Variants in PTPA observed in about 807,000 individuals in gnomAD.
The protein encoded by PTPA is serine/threonine-protein phosphatase 2A activator.
A neutral mutation model predicts 43.6 loss-of-function variants in PTPA; 13 were observed. That is an observed-to-expected ratio of 0.30 (90% CI 0.19 to 0.47). The LOEUF (loss-of-function observed/expected upper bound fraction) is 0.47. Ranked by LOEUF, PTPA falls within the 20% of genes least tolerant of loss-of-function variation. The pLI is 0.99. For synonymous variants in PTPA, 172 were observed against 158.2 expected (o/e 1.09, Z -0.66); for missense variants, 329 against 411.9 (o/e 0.80, Z 1.74).
chr9:129,132,557 G>A (rs1261134398), intron 5 of PTPA, among the ~76,000 whole-genome samples: 4 of 152,170 alleles, frequency 2.6e-5, no homozygotes, highest in African/African-American at 9.7e-5. Context: ...CTGGAGTGCA[G>A]TGGCATGATC....
intron 8 of PTPA, 27 bp from the exon 9 acceptor site, chr9:129,142,418 C>G: frequency 3.2e-6 from 5 of 1,546,176 alleles, no homozygotes; most frequent in Non-Finnish European, 3.5e-6. Flanking sequence ...GAACCTGTCT[C>G]TTCAGCTTGT....
intron 5 of PTPA, among the ~76,000 whole-genome samples, chr9:129,134,324 TG>T (rs1316084068): frequency 2.1e-5 from 2 of 96,392 alleles, no homozygotes; most frequent in African/African-American, 7.8e-5. Context: ...TTTTTTTTTT[TG>T]AGACAGTCTC....
At chr9:129,139,083 T>C (rs1285066612) in intron 8 of PTPA, among the ~76,000 whole-genome samples, 1 of 152,140 alleles carries the variant, frequency 6.6e-6, no homozygotes, top group Non-Finnish European at 1.5e-5. Context: ...AGTTCTTGGG[T>C]GTGGCTGAAA....
chr9:129,137,899 C>A, intron 8 of PTPA: 1 of 603,928 alleles, frequency 1.7e-6, no homozygotes, highest in Non-Finnish European at 3.1e-6. Flanking sequence ...AGTTCTCCTT[C>A]AGTTTCTCCT....
At chr9:129,143,686 C>T in intron 9 of PTPA, 1 of 469,376 alleles carries the variant, frequency 2.1e-6, no homozygotes, top group Middle Eastern at 6.0e-4. Context: ...TTCCTCTGGA[C>T]CTCACATCCT....
rs1295168843 is a variant in PTPA, at chr9:129,136,633, C to A, written c.685+38C>A. 3.2e-6 allele frequency: 5 copies of A among 1,572,512 alleles called. No individual in the cohort carries two copies. The South Asian group carries it at 5.8e-5, about 18-fold the overall frequency. ...GAGGTGCCTATCCCTCCACCCCCAA[C>A]CAAGGCTGCGTTCTGTGGCCCTCCC... On this transcript the variant is annotated intron_variant, in intron 7 of 9. Transcript: ENST00000393370.
chr9:129,126,128 G>A (rs762735069), intron 3 of PTPA, among the ~76,000 whole-genome samples: 7 of 151,950 alleles, frequency 4.6e-5, no homozygotes, highest in African/African-American at 7.2e-5. Context: ...CAGCCCAGGC[G>A]ACAGTGCGAG....
intron 9 of PTPA, among the ~76,000 whole-genome samples, 187 bp from the exon 10 acceptor site, chr9:129,147,200 C>G (rs1191959678): frequency 6.6e-6 from 1 of 152,092 alleles, no homozygotes; most frequent in Non-Finnish European, 1.5e-5. Flanking sequence ...TCTCGTGGGT[C>G]TCGTTGTGGA....
chr9:129,142,894 A>T, intron 9 of PTPA: 2 of 1,496,170 alleles, frequency 1.3e-6, no homozygotes. Flanking sequence ...AAGCTCGGGC[A>T]GTCTGAGTCT....
At position 129,128,985 on chromosome 9, in the gene PTPA, G is replaced by A; in HGVS notation, c.217G>A (p.Ala73Thr). The change falls in exon 4 of 10, where the codon GCC becomes ACC. Residue 73 changes from alanine to threonine, a missense_variant and splice_region_variant. By Grantham distance (58) the Ala-to-Thr change is moderately conservative (BLOSUM62 0). Coordinates refer to ENST00000393370, the MANE Select transcript of PTPA (RefSeq NM_178000.3). ...KLTFEYRVSEAIEKLVALLNT... is the reference protein window; with the variant it reads ...KLTFEYRVSETIEKLVALLNT... ...GGACCCCTCTATTTTGCCTCCACAG[G>A]CCATTGAGAAACTAGTCGCTCTTCT... 6.2e-7 allele frequency: 1 copy of A among 1,613,146 alleles called. No homozygotes were observed. Among genetic ancestry groups the A allele is most frequent in the Non-Finnish European group, 8.5e-7 (1 of 1,179,886 alleles).
At chr9:129,139,631 A>AT (rs949434342) in intron 8 of PTPA, 3 of 152,100 alleles carry the variant, frequency 2.0e-5, no homozygotes, top group Non-Finnish European at 4.4e-5. Flanking sequence ...AGTGAGCAGC[A>AT]TTTTGCAGTC....
chr9:129,126,672 C>T (rs1327618179), intron 3 of PTPA, among the ~76,000 whole-genome samples: 1 of 152,082 alleles, frequency 6.6e-6, no homozygotes, highest in African/African-American at 2.4e-5. Flanking sequence ...TCCTTGAAAT[C>T]CAAAAAGGAA....
intron 2 of PTPA, among the ~76,000 whole-genome samples, chr9:129,121,871 A>T (rs1564186654): frequency 6.6e-6 from 1 of 152,084 alleles, no homozygotes; most frequent in Non-Finnish European, 1.5e-5. Context: ...GGTCTGAGAG[A>T]GTTGCTTTGG....
At chr9:129,123,914 T>C (rs1338398238) in intron 3 of PTPA, among the ~76,000 whole-genome samples, 2 of 152,124 alleles carry the variant, frequency 1.3e-5, no homozygotes, top group Non-Finnish European at 2.9e-5. Flanking sequence ...AACTCCTGAC[T>C]TGAGGTGATC....
In PTPA at chr9:129,143,395, C is replaced by T. The variant is rs1478415623; in HGVS notation, c.894+843C>T. 5.7e-6 allele frequency: 4 copies of T among 702,952 alleles called. No individual in the cohort carries two copies. In the South Asian group the frequency reaches 5.9e-5, roughly 10 times the overall value. 43.5% of individuals were successfully genotyped at this position (702,952 alleles called of 1,614,324 possible). A position where few individuals can be genotyped will look rare whatever the true frequency, so the allele number is the denominator to read the frequency against. On this transcript the variant is annotated intron_variant, in intron 9 of 9. Transcript: ENST00000393370. Reference sequence around the variant, plus strand: ...CTCAGGCTGGCCCTTGTGACTAGTTCATGGCCTCAGACACTGTACTGTGGG... The same window carrying T: ...CTCAGGCTGGCCCTTGTGACTAGTTTATGGCCTCAGACACTGTACTGTGGG...
intron 4 of PTPA, among the ~76,000 whole-genome samples, chr9:129,129,744 C>T (rs1849832003): frequency 6.6e-6 from 1 of 152,168 alleles, no homozygotes; most frequent in South Asian, 2.1e-4. Context: ...GCTGGGATTA[C>T]AGGTGTGAGC....
chr9:129,142,164 AG>A, intron 8 of PTPA: 1 of 338,078 alleles, frequency 3.0e-6, no homozygotes, highest in African/African-American at 2.1e-5. Flanking sequence ...TGGGAGAAAG[AG>A]GGGTGACTGC....
At chr9:129,112,289 A>T (rs1332225943) in intron 1 of PTPA, among the ~76,000 whole-genome samples, 1 of 152,138 alleles carries the variant, frequency 6.6e-6, no homozygotes, top group African/African-American at 2.4e-5. Flanking sequence ...AATAACTGGG[A>T]TGGAGGTGCT....
intron 1 of PTPA, among the ~76,000 whole-genome samples, chr9:129,113,534 C>T (rs1412824783): frequency 1.3e-5 from 2 of 151,374 alleles, no homozygotes; most frequent in East Asian, 2.0e-4. Context: ...TTTGGGAGGC[C>T]GACACAGGCG....
Sources: allele counts gnomAD v4.1 joint callset (sites outside exome capture counted in the v4.1 genomes callset), GRCh38; gene constraint gnomAD v4.1.1; transcripts MANE v1.5; gene names NCBI Gene and HGNC (gene_info 2026-07-23, HGNC 2026-07-21).